The following RHD variants were observed in gnomAD, a reference collection of about 807,000 sequenced individuals.
RHD encodes the protein blood group Rh(D) polypeptide.
Under a neutral mutation model 45.5 loss-of-function variants are expected in RHD, and 16 were observed. The observed-to-expected ratio is 0.35, with a 90% CI of 0.24 to 0.53. The LOEUF is 0.53. RHD is among the 20% of genes least tolerant of loss of function. The pLI, the probability that RHD is intolerant of heterozygous loss-of-function variation, is 0.92. For synonymous variants in RHD, 131 were observed against 217.5 expected (o/e 0.60, Z 3.50); for missense variants, 306 against 532.0 (o/e 0.58, Z 4.18).
rs370364125 is a variant in RHD at position 25,306,979 on chromosome 1, T to C, written c.1073+250T>C. 1.1e-4 allele frequency: 49 copies of C among 442,406 alleles called. 10 individuals carry two copies. The highest frequency in any genetic ancestry group is 1.8e-4 in the Non-Finnish European group (38 of 216,340). 27.4% of individuals were successfully genotyped at this position (442,406 alleles called of 1,614,324 possible). ...GTATAGACCAAAGACACGAAATCTTTTGTGATCCCACAAACACAGAGCAGG... is the reference window on the plus strand; with the variant it reads ...GTATAGACCAAAGACACGAAATCTTCTGTGATCCCACAAACACAGAGCAGG... On this transcript the variant is annotated intron_variant, in intron 7 of 9. Coordinates refer to ENST00000328664, the MANE Select transcript of RHD (RefSeq NM_016124.6).
chr1:25,313,597 A>C (rs1369665192), intron 7 of RHD, among the ~76,000 whole-genome samples: 1 of 131,704 alleles, frequency 7.6e-6, no homozygotes, highest in African/African-American at 2.6e-5. Flanking sequence ...TTTGTTGTTC[A>C]CAGTTCCCCT....
chr1:25,283,394 G>A lies in RHD; in HGVS notation c.149-1179G>A, dbSNP rs1571598352. Among the ~76,000 whole-genome samples the A allele has an allele frequency of 2.3e-5, 3 of 131,018 alleles. 1 individual carries two copies. Among genetic ancestry groups the A allele is most frequent in the Non-Finnish European group, 5.4e-5 (3 of 55,490 alleles). 86.0% of individuals were successfully genotyped at this position (131,018 alleles called of 152,430 possible). A position where few individuals can be genotyped will look rare whatever the true frequency, so the allele number is the denominator to read the frequency against. On this transcript the variant is annotated intron_variant, in intron 1 of 9. Coordinates refer to ENST00000328664, the MANE Select transcript of RHD (RefSeq NM_016124.6). ...AAAAATACAAAAATTAGCCGGGCAC[G>A]GTGGCAGGCACCTGTAATCCCAGCT... is the stretch of plus-strand genomic sequence containing the variant.
chr1:25,289,036 C>T (rs1193693823), intron 2 of RHD, among the ~76,000 whole-genome samples: 1 of 133,794 alleles, frequency 7.5e-6, no homozygotes, highest in Non-Finnish European at 1.8e-5. Flanking sequence ...TGAGTCCAGA[C>T]TTCAGAGCAC....
chr1:25,302,879 C>T lies in RHD; in HGVS notation c.802-443C>T, dbSNP rs1161347986. 1.1e-4 allele frequency among the ~76,000 whole-genome samples: 15 copies of T among 131,004 alleles called. 4 individuals are homozygous for T. The highest frequency in any genetic ancestry group is 3.7e-4 in the African/African-American group (14 of 37,948). 85.9% of individuals were successfully genotyped at this position (131,004 alleles called of 152,430 possible). A position where few individuals can be genotyped will look rare whatever the true frequency, so the allele number is the denominator to read the frequency against. On this transcript the variant is annotated intron_variant, in intron 5 of 9. Transcript: ENST00000328664. ...TTCTTCTAGGCCAGGTGCAGTGGCT[C>T]ACACCTGTAATCCCAATATTTTGGG... is the stretch of plus-strand genomic sequence containing the variant.
rs1410635648 is a variant in RHD, at chr1:25,278,752, T to C, written c.149-5821T>C. On this transcript the variant is annotated intron_variant, in intron 1 of 9. Transcript: ENST00000328664. The stretch of plus-strand genomic sequence containing the variant: ...GGGGCTACTAGAAGACAGAGGAGTT[T>C]TCCCAGTGACATGTAAACACTCCAA... Among the ~76,000 whole-genome samples, 4 of 131,536 alleles carry C rather than the reference T, an allele frequency of 3.0e-5. 1 individual carries two copies. Among genetic ancestry groups the C allele is most frequent in the South Asian group, 4.7e-4 (2 of 4,288 alleles). The allele number at this position is 131,536 out of a possible 152,430, so 86.3% of individuals were successfully genotyped here.
At chr1:25,300,107 A>C (rs185211506) in intron 3 of RHD, among the ~76,000 whole-genome samples, 2 of 131,310 alleles carry the variant, frequency 1.5e-5, no homozygotes, top group Admixed American at 7.4e-5. Context: ...ATGTTGCAAA[A>C]TTTATATCAC....
At chr1:25,279,807 A>G (rs1401179338) in intron 1 of RHD, among the ~76,000 whole-genome samples, 1 of 130,334 alleles carries the variant, frequency 7.7e-6, no homozygotes. Flanking sequence ...CGTAGAATGT[A>G]CAATTCCCCT....
chr1:25,313,639 C>A (rs1034377493), intron 7 of RHD, among the ~76,000 whole-genome samples: 2 of 131,992 alleles, frequency 1.5e-5, no homozygotes, highest in African/African-American at 5.2e-5. Context: ...TCATGCAGGG[C>A]CACACAAAAC....
In RHD at chr1:25,314,453, C is replaced by T. The variant is rs1264411520; in HGVS notation, c.1074-2547C>T. Among the ~76,000 whole-genome samples the T allele has an allele frequency of 3.0e-5, 4 of 132,450 alleles. 1 individual carries two copies. Among genetic ancestry groups the T allele is most frequent in the South Asian group, 2.3e-4 (1 of 4,358 alleles). The allele number at this position is 132,450 out of a possible 152,430, so 86.9% of individuals were successfully genotyped here. ...CTTATTGATTTGTAGGAATTCCTTA[C>T]GTATCCTGGATATGAATCCCACTTT... On this transcript the variant is annotated intron_variant, in intron 7 of 9. Transcript: ENST00000328664.
chr1:25,307,810 T>G, intron 7 of RHD: 1 of 1,301,692 alleles, frequency 7.7e-7, no homozygotes, highest in Non-Finnish European at 1.1e-6. Context: ...GGATCACATA[T>G]CAGTGGGTGA....
intron 1 of RHD, among the ~76,000 whole-genome samples, chr1:25,279,147 C>G (rs1319530738): frequency 8.0e-6 from 1 of 125,704 alleles, no homozygotes; most frequent in East Asian, 2.0e-4. Flanking sequence ...TCCAAACGAA[C>G]TCTTTGCAAG....
At chr1:25,321,589 G>A in intron 8 of RHD, among the ~76,000 whole-genome samples, 1 of 125,530 alleles carries the variant, frequency 8.0e-6, no homozygotes, top group Admixed American at 8.0e-5. Flanking sequence ...ATAATCGCTT[G>A]AACCTGGGAG....
Position 25,310,646 on chromosome 1 carries a change from G to C in RHD, c.1073+3917G>C, listed in dbSNP as rs1372274950. On this transcript the variant is annotated intron_variant, in intron 7 of 9. Transcript: ENST00000328664. Reference sequence around the variant, plus strand: ...TGGGAATAGGTTGGAAGAGTTTTGAGGAGCAGGCTAGAAAAAGCCTGTATT... The same window carrying C: ...TGGGAATAGGTTGGAAGAGTTTTGACGAGCAGGCTAGAAAAAGCCTGTATT... Among the ~76,000 whole-genome samples, 4 of 131,868 alleles carry C rather than the reference G, an allele frequency of 3.0e-5. 2 individuals carry two copies. The highest frequency in any genetic ancestry group is 7.2e-5 in the Non-Finnish European group (4 of 55,512). 86.5% of individuals were successfully genotyped at this position (131,868 alleles called of 152,430 possible). A position where few individuals can be genotyped will look rare whatever the true frequency, so the allele number is the denominator to read the frequency against.
intron 3 of RHD, among the ~76,000 whole-genome samples, chr1:25,292,080 T>C (rs1192162953): frequency 7.5e-6 from 1 of 132,772 alleles, no homozygotes; most frequent in Non-Finnish European, 1.8e-5. Context: ...CTTAGAGCTT[T>C]AGTTTCTTCA....
In RHD at chr1:25,315,558, G is replaced by A. The variant is rs1199454009; in HGVS notation, c.1074-1442G>A. ...GTTGCCCAGGCTGGAGTGCAGTGGC[G>A]TGATCTCAGCTCACTGCAAACTCCA... is the stretch of plus-strand genomic sequence containing the variant. On this transcript the variant is annotated intron_variant, in intron 7 of 9. Transcript: ENST00000328664. Among the ~76,000 whole-genome samples the A allele has an allele frequency of 6.6e-5, 8 of 120,308 alleles. 2 individuals carry two copies. Among genetic ancestry groups the A allele is most frequent in the East Asian group, 6.0e-4 (3 of 4,970 alleles). 78.9% of individuals were successfully genotyped at this position (120,308 alleles called of 152,430 possible).
At position 25,311,391 on chromosome 1, in the gene RHD, G is replaced by A. The variant is rs1429128674; in HGVS notation, c.1073+4662G>A. On this transcript the variant is annotated intron_variant, in intron 7 of 9. Coordinates refer to ENST00000328664, the MANE Select transcript of RHD (RefSeq NM_016124.6). Reference sequence around the variant, plus strand: ...TACACATAAATTAGCCAGGCGTGGTGGTGGGCGCCTGTATTCCCAGCTACC... The same window carrying A: ...TACACATAAATTAGCCAGGCGTGGTAGTGGGCGCCTGTATTCCCAGCTACC... 3.1e-5 allele frequency among the ~76,000 whole-genome samples: 4 copies of A among 131,056 alleles called. 2 individuals are homozygous for A. Among genetic ancestry groups the A allele is most frequent in the Non-Finnish European group, 7.2e-5 (4 of 55,340 alleles). 86.0% of individuals were successfully genotyped at this position (131,056 alleles called of 152,430 possible).
rs1372807651 is a variant in RHD, at chr1:25,319,264, C to T, written c.1153+2185C>T. Among the ~76,000 whole-genome samples, 3 of 131,710 alleles carry T rather than the reference C, an allele frequency of 2.3e-5. 1 individual carries two copies. Among genetic ancestry groups the T allele is most frequent in the Non-Finnish European group, 5.4e-5 (3 of 55,698 alleles). The allele number at this position is 131,710 out of a possible 152,430, so 86.4% of individuals were successfully genotyped here. On this transcript the variant is annotated intron_variant, in intron 8 of 9. Transcript: ENST00000328664. ...AGAGGAAAAGACAATCATATTGTTCCTTTAAGAGTTAAGACCAACAAGTTT... is the reference window on the plus strand; with the variant it reads ...AGAGGAAAAGACAATCATATTGTTCTTTTAAGAGTTAAGACCAACAAGTTT...
At chr1:25,304,740 C>T (rs1296209696) in intron 6 of RHD, 3 of 131,666 alleles carry the variant, frequency 2.3e-5, no homozygotes, top group African/African-American at 5.2e-5. Context: ...ATCAATACTT[C>T]GATTAACCAA....
intron 8 of RHD, among the ~76,000 whole-genome samples, chr1:25,318,600 GAA>G (rs200414156): frequency 0.015 from 1,981 of 131,616 alleles, 302 homozygotes; most frequent in African/African-American, 0.046. Context: ...AAAAAAGAAA[GAA>G]AATATACATT....
Sources: allele counts gnomAD v4.1 joint callset (sites outside exome capture counted in the v4.1 genomes callset), GRCh38; gene constraint gnomAD v4.1.1; transcripts MANE v1.5; gene names NCBI Gene and HGNC (gene_info 2026-07-23, HGNC 2026-07-21).